Variants in SLC10A7 observed in about 807,000 individuals in gnomAD.
SLC10A7 encodes sodium/bile acid cotransporter 7.
A neutral mutation model predicts 43.2 loss-of-function variants in SLC10A7; 29 were observed. That is an observed-to-expected ratio of 0.67 (90% CI 0.50 to 0.92). The LOEUF is 0.92. Among genes scored for constraint, SLC10A7 ranks in the 40% least tolerant of loss-of-function variants. The pLI, the probability that SLC10A7 is intolerant of heterozygous loss-of-function variation, is 0.00. For missense variants in SLC10A7, 295 were observed against 403.2 expected (o/e 0.73, Z 2.30); for synonymous variants, 152 against 144.8 (o/e 1.05, Z -0.35).
chr4:146,499,652 T>C (rs1736219141), intron 4 of SLC10A7, among the ~76,000 whole-genome samples: 1 of 152,202 alleles, frequency 6.6e-6, no homozygotes, highest in Non-Finnish European at 1.5e-5. Context: ...TCTGCAAACT[T>C]CATTTCTCAA....
chr4:146,518,004 C>A (rs1738179861), intron 1 of SLC10A7, among the ~76,000 whole-genome samples: 1 of 152,110 alleles, frequency 6.6e-6, no homozygotes, highest in African/African-American at 2.4e-5. Flanking sequence ...GTGCTAGGCC[C>A]TAGAGATATG....
chr4:146,309,307 T>C (rs574046691), intron 6 of SLC10A7, among the ~76,000 whole-genome samples: 1 of 152,270 alleles, frequency 6.6e-6, no homozygotes, highest in Non-Finnish European at 1.5e-5. Flanking sequence ...GGACACTATG[T>C]CATTCACATT....
chr4:146,511,969 C>CTTTT (rs765683134), intron 2 of SLC10A7, among the ~76,000 whole-genome samples: 116 of 98,806 alleles, frequency 1.2e-3, no homozygotes, highest in African/African-American at 1.5e-3. Context: ...TGCATATACT[C>CTTTT]TTTTTTTTTT....
intron 4 of SLC10A7, among the ~76,000 whole-genome samples, chr4:146,495,599 C>T (rs1735808931): frequency 6.6e-6 from 1 of 152,142 alleles, no homozygotes; most frequent in African/African-American, 2.4e-5. Flanking sequence ...ATGAGTGCTT[C>T]ATTTGCTTTC....
At chr4:146,402,789 C>A (rs951902916) in intron 5 of SLC10A7, among the ~76,000 whole-genome samples, 1 of 152,124 alleles carries the variant, frequency 6.6e-6, no homozygotes, top group African/African-American at 2.4e-5. Flanking sequence ...GAGAAGCCAG[C>A]TGTCACACTA....
intron 4 of SLC10A7, among the ~76,000 whole-genome samples, chr4:146,464,690 T>C (rs145699613): frequency 6.6e-6 from 1 of 151,946 alleles, no homozygotes; most frequent in African/African-American, 2.4e-5. Context: ...AATTTTATGA[T>C]ATTAGAAAAA....
Position 146,306,006 on chromosome 4 carries a change from C to G in SLC10A7, c.475G>C (p.Gly159Arg), listed in dbSNP as rs1731544668. Residue 159 changes from glycine to arginine, a missense_variant, in exon 7 of 12, where the codon GGT becomes CGT. Transcript: ENST00000335472. ...GTGAAAGGCACAGAAGAAGATGAAC[C>G]AAGCTGTAAAACAAGAAAATAGGAG... Reference protein sequence around the residue: ...ITPLLLLLFLGSSSSVPFTSI... With the variant: ...ITPLLLLLFLRSSSSVPFTSI... 1.2e-6 allele frequency: 2 copies of G among 1,601,388 alleles called. No homozygotes were observed. Among genetic ancestry groups the G allele is most frequent in the Non-Finnish European group, 1.7e-6 (2 of 1,175,212 alleles).
At chr4:146,490,021 C>A (rs1579320609) in intron 4 of SLC10A7, among the ~76,000 whole-genome samples, 1 of 150,936 alleles carries the variant, frequency 6.6e-6, no homozygotes, top group African/African-American at 2.4e-5. Flanking sequence ...AACAAAAATT[C>A]TATTTTTTTT....
intron 4 of SLC10A7, among the ~76,000 whole-genome samples, chr4:146,479,281 A>C (rs1359188800): frequency 6.6e-6 from 1 of 152,182 alleles, no homozygotes; most frequent in African/African-American, 2.4e-5. Context: ...GTAATAATCA[A>C]AGCATATAGC....
At chr4:146,444,113 C>A (rs536366377) in intron 4 of SLC10A7, among the ~76,000 whole-genome samples, 1 of 152,204 alleles carries the variant, frequency 6.6e-6, no homozygotes, top group East Asian at 1.9e-4. Context: ...TCCTGGAATT[C>A]CATTATGGAT....
chr4:146,413,149 T>C (rs2630293), intron 5 of SLC10A7, among the ~76,000 whole-genome samples: 86 of 152,278 alleles, frequency 5.6e-4, no homozygotes, highest in African/African-American at 1.8e-3. Context: ...CTAGGATCAC[T>C]GTAGAATAAT....
intron 5 of SLC10A7, among the ~76,000 whole-genome samples, chr4:146,336,824 G>A (rs1475261204): frequency 6.6e-6 from 1 of 152,002 alleles, no homozygotes; most frequent in Non-Finnish European, 1.5e-5. Context: ...CTATATAAAA[G>A]AGGACAGAAA....
intron 5 of SLC10A7, among the ~76,000 whole-genome samples, chr4:146,387,440 A>G (rs1419071895): frequency 6.6e-6 from 1 of 152,176 alleles, no homozygotes; most frequent in African/African-American, 2.4e-5. Context: ...AAAACTCACA[A>G]CAAATGAGGC....
chr4:146,467,542 C>T (rs1733145655), intron 4 of SLC10A7, among the ~76,000 whole-genome samples: 1 of 143,792 alleles, frequency 7.0e-6, no homozygotes, highest in African/African-American at 2.6e-5. Context: ...TTTTTTTGCC[C>T]TTTTCTTTTT....
intron 5 of SLC10A7, among the ~76,000 whole-genome samples, chr4:146,387,779 T>C (rs542312241): frequency 6.6e-6 from 1 of 152,264 alleles, no homozygotes; most frequent in South Asian, 2.1e-4. Context: ...TTTCTATATA[T>C]CAATGGCAAT....
At chr4:146,499,857 A>C (rs1232528549) in intron 4 of SLC10A7, among the ~76,000 whole-genome samples, 2 of 152,226 alleles carry the variant, frequency 1.3e-5, no homozygotes, top group Non-Finnish European at 2.9e-5. Context: ...TGAGGGAATA[A>C]ACATGTAAGT....
intron 4 of SLC10A7, among the ~76,000 whole-genome samples, chr4:146,456,599 T>G (rs1579235249): frequency 6.6e-6 from 1 of 151,934 alleles, no homozygotes; most frequent in East Asian, 1.9e-4. Flanking sequence ...ACAGTTTAAT[T>G]ATAAGGGATA....
At chr4:146,309,599 A>G (rs1465515563) in intron 6 of SLC10A7, among the ~76,000 whole-genome samples, 1 of 152,122 alleles carries the variant, frequency 6.6e-6, no homozygotes, top group Non-Finnish European at 1.5e-5. Flanking sequence ...ATGTGTGTCA[A>G]TTAGTGAATG....
intron 5 of SLC10A7, among the ~76,000 whole-genome samples, chr4:146,428,407 T>C (rs2149863580): frequency 6.6e-6 from 1 of 152,304 alleles, no homozygotes; most frequent in South Asian, 2.1e-4. Context: ...GTCAAAGCAA[T>C]ATTCTGAATT....
Sources: allele counts gnomAD v4.1 joint callset (sites outside exome capture counted in the v4.1 genomes callset), GRCh38; gene constraint gnomAD v4.1.1; transcripts MANE v1.5; gene names NCBI Gene and HGNC (gene_info 2026-07-23, HGNC 2026-07-21).